Variants in BRCA2 observed in about 807,000 individuals in gnomAD.
BRCA2 encodes breast cancer type 2 susceptibility protein.
Under a neutral mutation model 276.7 loss-of-function variants are expected in BRCA2, and 203 were observed. The ratio of observed to expected loss-of-function variants is 0.73; its 90% confidence interval spans 0.65 to 0.82. The LOEUF (loss-of-function observed/expected upper bound fraction) is 0.82. BRCA2 is among the 40% of genes least tolerant of loss of function. The probability of loss-of-function intolerance (pLI) is 0.00; values close to 1 mark genes in which losing one functional copy is unlikely to be tolerated. For synonymous variants in BRCA2, 1,289 were observed against 1,338.4 expected (o/e 0.96, Z 0.81); for missense variants, 3,920 against 3,915.0 (o/e 1.00, Z -0.03).
In BRCA2 at chr13:32,379,532, T is replaced by C; in HGVS notation, c.8953+17T>C. 1.2e-6 allele frequency: 2 copies of C among 1,608,876 alleles called. No homozygotes were observed. Among genetic ancestry groups the C allele is most frequent in the Non-Finnish European group, 1.7e-6 (2 of 1,177,614 alleles). On this transcript the variant is annotated intron_variant, in intron 22 of 26. Coordinates refer to ENST00000380152, the MANE Select transcript of BRCA2 (RefSeq NM_000059.4). ...AAGATTCAGGTAAGTATGTAAATGCTTTGTTTTTATCAGTTTTATTAACTT... is the reference window on the plus strand; with the variant it reads ...AAGATTCAGGTAAGTATGTAAATGCCTTGTTTTTATCAGTTTTATTAACTT...
rs80359302 is a variant in BRCA2 at position 32,333,228 on chromosome 13, AAAAAG to A, written c.1755_1759del (p.Lys585AsnfsTer3). 2 of 1,613,118 alleles carry A rather than the reference AAAAAG, an allele frequency of 1.2e-6. No individual in the cohort carries two copies. Among genetic ancestry groups the A allele is most frequent in the Non-Finnish European group, 1.7e-6 (2 of 1,179,478 alleles). On this transcript the variant is annotated frameshift_variant, in exon 10 of 27. Transcript: ENST00000380152. LOFTEE classifies it high-confidence loss of function. ...GAATGCAGGTTTAATATCCACTTTG[AAAAAG>A]AAAACAAATAAGTTTATTTATGCTA...
intron 20 of BRCA2, among the ~76,000 whole-genome samples, chr13:32,374,613 A>G (rs945278013): frequency 1.3e-5 from 2 of 152,234 alleles, no homozygotes; most frequent in Non-Finnish European, 2.9e-5. Flanking sequence ...AAGCATAGCA[A>G]GAGTGACCTT....
chr13:32,393,471 T>C (rs927850270), intron 24 of BRCA2, among the ~76,000 whole-genome samples: 17 of 152,160 alleles, frequency 1.1e-4, no homozygotes, highest in African/African-American at 3.9e-4. Flanking sequence ...TGTTTAACTT[T>C]TTTTTTTTAG....
chr13:32,349,975 CAAG>C (rs916080588), intron 13 of BRCA2, among the ~76,000 whole-genome samples: 3 of 152,114 alleles, frequency 2.0e-5, no homozygotes, highest in Non-Finnish European at 2.9e-5. Flanking sequence ...TACTTGAAAG[CAAG>C]AAGAAGTTAA....
chr13:32,376,936 G>A, intron 21 of BRCA2, 145 bp downstream of exon 21: 4 of 1,208,310 alleles, frequency 3.3e-6, no homozygotes, highest in South Asian at 2.6e-5. Flanking sequence ...GATTTTCAGT[G>A]ATGTGCCAGA....
chr13:32,352,322 A>G (rs2072658795), intron 13 of BRCA2, among the ~76,000 whole-genome samples: 1 of 152,184 alleles, frequency 6.6e-6, no homozygotes, highest in Admixed American at 6.5e-5. Context: ...ATGGGAGAAT[A>G]GTTTAATGTA....
At position 32,379,775 on chromosome 13, in the gene BRCA2, A is replaced by T. The variant is rs781452016; in HGVS notation, c.8979A>T (p.Ser2993=). Reference sequence around the variant, plus strand: ...TTATACTGAGTATTTGGCGTCCATCATCAGATTTATATTCTCTGTTAACAG... The same window carrying T: ...TTATACTGAGTATTTGGCGTCCATCTTCAGATTTATATTCTCTGTTAACAG... ...DSVILSIWRP[S]SDLYSLLTEG... is the part of the protein sequence containing the mutation. The change falls in exon 23 of 27, where the codon TCA becomes TCT. Residue 2993 remains serine, a synonymous_variant. Coordinates refer to ENST00000380152, the MANE Select transcript of BRCA2 (RefSeq NM_000059.4). The T allele has an allele frequency of 6.2e-7, 1 of 1,612,704 alleles. No homozygotes were observed. The highest frequency in any genetic ancestry group is 8.5e-7 in the Non-Finnish European group (1 of 1,178,768).
intron 19 of BRCA2, 56 bp downstream of exon 19, chr13:32,370,613 T>C (rs1005285554): frequency 5.8e-6 from 9 of 1,551,304 alleles, no homozygotes; most frequent in Non-Finnish European, 7.1e-6. Context: ...ACAATTAATT[T>C]GTTTGTTTGT....
At chr13:32,366,754 A>T (rs1212580166) in intron 18 of BRCA2, among the ~76,000 whole-genome samples, 1 of 150,678 alleles carries the variant, frequency 6.6e-6, no homozygotes, top group Non-Finnish European at 1.5e-5. Flanking sequence ...CCTGGGACGT[A>T]GAGGTTGCAG....
intron 13 of BRCA2, among the ~76,000 whole-genome samples, chr13:32,347,191 C>T (rs1195814863): frequency 6.6e-6 from 1 of 151,960 alleles, no homozygotes; most frequent in Non-Finnish European, 1.5e-5. Context: ...AAAAAGATTG[C>T]AGATATTAAA....
chr13:32,341,316 G>T (rs527758508), intron 11 of BRCA2, 120 bp downstream of exon 11: 2 of 1,444,286 alleles, frequency 1.4e-6, no homozygotes, highest in Non-Finnish European at 9.7e-7. Context: ...CCATTTTTGT[G>T]TAGTCAGTTT....
At chr13:32,341,285 T>C in intron 11 of BRCA2, 89 bp downstream of exon 11, 2 of 1,578,186 alleles carry the variant, frequency 1.3e-6, no homozygotes, top group Middle Eastern at 1.9e-4. Flanking sequence ...ATTAAGAGTG[T>C]TATAAACTAT....
rs142947698 is a variant in BRCA2, at chr13:32,370,639, G to A, written c.8487+82G>A. On this transcript the variant is annotated intron_variant, in intron 19 of 26. Coordinates refer to ENST00000380152, the MANE Select transcript of BRCA2 (RefSeq NM_000059.4). ...GTTTGTTTGTTTGAGATGGAGTTTC[G>A]GTCTCTTGCCCAGGCTGGAGTGCAA... 3.8e-3 allele frequency: 5,581 copies of A among 1,464,174 alleles called. 58 individuals carry two copies. Among genetic ancestry groups the A allele is most frequent in the South Asian group, 0.025 (2,111 of 84,782 alleles). 90.7% of individuals were successfully genotyped at this position (1,464,174 alleles called of 1,614,324 possible). A position where few individuals can be genotyped will look rare whatever the true frequency, so the allele number is the denominator to read the frequency against.
chr13:32,371,205 T>G, intron 20 of BRCA2, 105 bp downstream of exon 20: 3 of 1,253,680 alleles, frequency 2.4e-6, no homozygotes, highest in Non-Finnish European at 3.3e-6. Context: ...TTATTTTGAG[T>G]AGTAAATTGA....
chr13:32,330,837 G>A lies in BRCA2; in HGVS notation c.682-82G>A. 3.5e-6 allele frequency: 3 copies of A among 866,226 alleles called. No individual in the cohort carries two copies. The East Asian group carries it at 8.0e-5, about 23-fold the overall frequency. 53.7% of individuals were successfully genotyped at this position (866,226 alleles called of 1,614,324 possible). On this transcript the variant is annotated intron_variant, in intron 8 of 26. Coordinates refer to ENST00000380152, the MANE Select transcript of BRCA2 (RefSeq NM_000059.4). Reference sequence around the variant, plus strand: ...GCAGATAACTGAAATCACCAAAAGTGAAACCATGGATAAGGGGGGACTACT... The same window carrying A: ...GCAGATAACTGAAATCACCAAAAGTAAAACCATGGATAAGGGGGGACTACT...
intron 2 of BRCA2, 140 bp downstream of exon 2, chr13:32,316,667 C>A: frequency 1.3e-6 from 1 of 763,432 alleles, no homozygotes; most frequent in Non-Finnish European, 2.2e-6. Context: ...CAGTTAACAA[C>A]ATAATCATCG....
rs571800995 is a variant in BRCA2 at position 32,356,539 on chromosome 13, C to T, written c.7547C>T (p.Ser2516Phe). 38 of 1,614,212 alleles carry T rather than the reference C, an allele frequency of 2.4e-5. No individual in the cohort carries two copies. In the South Asian group the frequency reaches 4.1e-4, roughly 17 times the overall value. Reference sequence around the variant, plus strand: ...GGCAGTCTGTATCTTGCAAAAACATCCACTCTGCCTCGAATCTCTCTGAAA... The same window carrying T: ...GGCAGTCTGTATCTTGCAAAAACATTCACTCTGCCTCGAATCTCTCTGAAA... ...QPGSLYLAKTSTLPRISLKAA... is the reference protein window; with the variant it reads ...QPGSLYLAKTFTLPRISLKAA... Residue 2516 changes from serine to phenylalanine, a missense_variant, in exon 15 of 27, where the codon TCC becomes TTC. Around this residue, in one of 2 missense-constraint regions of BRCA2, gnomAD observed 3,263 missense variants for 3,156.9 expected, o/e 1.03. Coordinates refer to ENST00000380152, the MANE Select transcript of BRCA2 (RefSeq NM_000059.4).
intron 20 of BRCA2, 144 bp from the exon 21 acceptor site, chr13:32,376,521 CAAAAA>C (rs200156944): frequency 1.5e-5 from 11 of 715,208 alleles, no homozygotes; most frequent in East Asian, 3.0e-5. Context: ...GACCCTGTCT[CAAAAA>C]AAAAAAAAAG....
At chr13:32,327,676 A>AC (rs1321261224) in intron 7 of BRCA2, among the ~76,000 whole-genome samples, 1 of 151,340 alleles carries the variant, frequency 6.6e-6, no homozygotes, top group Non-Finnish European at 1.5e-5. Context: ...CTGTCTCAAA[A>AC]AAAAAAAAAA....
Sources: gnomAD v4.1 joint callset for allele counts (sites outside exome capture counted in the v4.1 genomes callset) on GRCh38, gnomAD v4.1.1 for gene constraint, gnomAD v4.1.1 regional missense constraint, MANE v1.5 for transcripts, NCBI Gene and HGNC (gene_info 2026-07-23, HGNC 2026-07-21) for gene names.